FHIT: variants seen among roughly 807,000 people sequenced by gnomAD.
FHIT encodes bis(5'-adenosyl)-triphosphatase.
In FHIT, 19 loss-of-function variants were observed where a neutral mutation model predicts 17.9. That is an observed-to-expected ratio of 1.06 (90% confidence interval 0.74 to 1.56). The LOEUF is 1.56. Ranked by LOEUF, FHIT falls within the 40% of genes most tolerant of loss-of-function variation. The pLI, the probability that FHIT is intolerant of heterozygous loss-of-function variation, is 0.00. For synonymous variants in FHIT, 81 were observed against 69.7 expected (o/e 1.16, Z -0.81); for missense variants, 248 against 189.2 (o/e 1.31, Z -1.82).
intron 4 of FHIT, among the ~76,000 whole-genome samples, chr3:60,724,655 T>G (rs528002067): frequency 1.3e-4 from 19 of 140,932 alleles, no homozygotes; most frequent in African/African-American, 2.6e-4. Context: ...CTGTTTTTTT[T>G]TTTTGTTTTT....
chr3:59,929,363 G>GTTTTTTTTTTTTTTT (rs869243844), intron 7 of FHIT, among the ~76,000 whole-genome samples: 4 of 67,062 alleles, frequency 6.0e-5, no homozygotes, highest in African/African-American at 1.7e-4. Flanking sequence ...TGTTTTTTTG[G>GTTTTTTTTTTTTTTT]TTTTTTTTTT....
chr3:61,042,792 A>G (rs1207979116), intron 2 of FHIT, among the ~76,000 whole-genome samples: 1 of 151,698 alleles, frequency 6.6e-6, no homozygotes, highest in Non-Finnish European at 1.5e-5. Context: ...GTGAGCCAAG[A>G]TGGTGCCACT....
At chr3:60,175,805 A>T in intron 5 of FHIT, among the ~76,000 whole-genome samples, 1 of 152,144 alleles carries the variant, frequency 6.6e-6, no homozygotes, top group East Asian at 1.9e-4. Context: ...TTAACAGCAT[A>T]CTTGATATAA....
At chr3:60,742,471 C>A (rs797042022) in intron 4 of FHIT, among the ~76,000 whole-genome samples, 2 of 152,338 alleles carry the variant, frequency 1.3e-5, no homozygotes, top group African/African-American at 4.8e-5. Flanking sequence ...CTCCCAATAG[C>A]TGAGACCATT....
intron 7 of FHIT, among the ~76,000 whole-genome samples, chr3:59,934,554 G>C (rs1477006235): frequency 2.6e-5 from 4 of 152,124 alleles, no homozygotes; most frequent in Non-Finnish European, 4.4e-5. Context: ...TTAATGAGAA[G>C]AGAGTAGATG....
Position 61,206,602 on chromosome 3 carries a change from T to A in FHIT, c.-212-5937A>T, listed in dbSNP as rs13321403. 9.3e-4 allele frequency among the ~76,000 whole-genome samples: 141 copies of A among 152,358 alleles called. 1 individual carries two copies. Among genetic ancestry groups the A allele is most frequent in the African/African-American group, 2.4e-3 (100 of 41,580 alleles). On this transcript the variant is annotated intron_variant, in intron 1 of 9. Coordinates refer to ENST00000492590, the MANE Select transcript of FHIT (RefSeq NM_002012.4). ...GCAGTTGTGAATGGGAGTTCACTCATGATTTCACTCTCTGTTTGTCTGTTA... is the reference window on the plus strand; with the variant it reads ...GCAGTTGTGAATGGGAGTTCACTCAAGATTTCACTCTCTGTTTGTCTGTTA...
intron 2 of FHIT, among the ~76,000 whole-genome samples, chr3:61,142,720 T>C (rs2037121363): frequency 6.6e-6 from 1 of 152,254 alleles, no homozygotes; most frequent in Non-Finnish European, 1.5e-5. Context: ...ACATTTTTCA[T>C]TAGGACCTCT....
At chr3:61,047,977 A>T (rs527653885) in intron 2 of FHIT, among the ~76,000 whole-genome samples, 1,951 of 151,208 alleles carry the variant, frequency 0.013, 19 homozygotes, top group Non-Finnish European at 0.018. Context: ...AGTTAATTCA[A>T]GATGGATTAA....
chr3:60,109,132 G>A (rs1435287539), intron 5 of FHIT, among the ~76,000 whole-genome samples: 1 of 137,652 alleles, frequency 7.3e-6, no homozygotes, highest in Non-Finnish European at 1.7e-5. Flanking sequence ...GGGGACGGGG[G>A]TAGGGGCAGG....
chr3:59,852,240 G>C (rs1701971044), intron 8 of FHIT, among the ~76,000 whole-genome samples: 1 of 152,098 alleles, frequency 6.6e-6, no homozygotes, highest in African/African-American at 2.4e-5. Flanking sequence ...GTAGAGAGTA[G>C]AGCAAGAGAA....
chr3:60,181,512 C>T (rs945446822), intron 5 of FHIT, among the ~76,000 whole-genome samples: 1 of 152,072 alleles, frequency 6.6e-6, no homozygotes, highest in African/African-American at 2.4e-5. Context: ...AAGGAATTTC[C>T]CAAGGATATA....
intron 3 of FHIT, among the ~76,000 whole-genome samples, chr3:61,023,778 G>A (rs930027573): frequency 6.6e-6 from 1 of 152,110 alleles, no homozygotes; most frequent in Non-Finnish European, 1.5e-5. Flanking sequence ...AATGGTGTTG[G>A]GAAAACTGGC....
chr3:60,220,041 A>G (rs1318423650), intron 5 of FHIT, among the ~76,000 whole-genome samples: 1 of 152,186 alleles, frequency 6.6e-6, no homozygotes, highest in Non-Finnish European at 1.5e-5. Context: ...TTTTGGCAAG[A>G]AAGTGGCAAA....
At chr3:60,107,396 A>G (rs1704472333) in intron 5 of FHIT, among the ~76,000 whole-genome samples, 1 of 152,176 alleles carries the variant, frequency 6.6e-6, no homozygotes, top group Admixed American at 6.5e-5. Context: ...TTAAAACACA[A>G]ACTGAGGCAG....
intron 5 of FHIT, among the ~76,000 whole-genome samples, chr3:60,089,815 C>T (rs1025114627): frequency 6.6e-6 from 1 of 152,166 alleles, no homozygotes; most frequent in Non-Finnish European, 1.5e-5. Flanking sequence ...AAGTGATCAC[C>T]TCCCAATGGC....
chr3:61,165,009 T>C (rs1231822925), intron 2 of FHIT, among the ~76,000 whole-genome samples: 3 of 152,254 alleles, frequency 2.0e-5, no homozygotes, highest in Non-Finnish European at 4.4e-5. Flanking sequence ...CCATGGTATA[T>C]ATGTACCACA....
intron 5 of FHIT, among the ~76,000 whole-genome samples, chr3:60,117,943 G>A (rs1705052053): frequency 6.6e-6 from 1 of 152,154 alleles, no homozygotes; most frequent in South Asian, 2.1e-4. Flanking sequence ...AGGTCTGGTT[G>A]TGCATCAGAA....
chr3:61,038,830 C>G (rs1034639049), intron 3 of FHIT, among the ~76,000 whole-genome samples: 3 of 152,022 alleles, frequency 2.0e-5, no homozygotes, highest in African/African-American at 7.3e-5. Context: ...GGACCCAGAG[C>G]AAAATAAAAA....
chr3:60,619,596 C>A (rs1381920230), intron 4 of FHIT, among the ~76,000 whole-genome samples: 2 of 58,282 alleles, frequency 3.4e-5, no homozygotes, highest in African/African-American at 8.3e-5. Context: ...TGGATACCCA[C>A]ATGCAAAAAA....
Sources: allele counts gnomAD v4.1 joint callset (sites outside exome capture counted in the v4.1 genomes callset), GRCh38; gene constraint gnomAD v4.1.1; transcripts MANE v1.5; gene names NCBI Gene and HGNC (gene_info 2026-07-23, HGNC 2026-07-21).